RIMS1: variants seen among roughly 807,000 people sequenced by gnomAD.
RIMS1 encodes regulating synaptic membrane exocytosis protein 1.
RIMS1 carries 83 observed loss-of-function variants against 214.1 expected under a neutral mutation model. The ratio of observed to expected loss-of-function variants is 0.39; its 90% CI spans 0.32 to 0.47. The LOEUF (loss-of-function observed/expected upper bound fraction) is 0.47, where lower values mean the gene tolerates loss of function less well. Among genes scored for constraint, RIMS1 ranks in the 20% least tolerant of loss-of-function variants. The pLI is 0.99. For missense variants in RIMS1, 2,050 were observed against 2,161.8 expected (o/e 0.95, Z 1.03); for synonymous variants, 793 against 786.8 (o/e 1.01, Z -0.13).
At chr6:71,987,271 G>A (rs1181061953) in intron 2 of RIMS1, among the ~76,000 whole-genome samples, 1 of 152,182 alleles carries the variant, frequency 6.6e-6, no homozygotes, top group East Asian at 1.9e-4. Context: ...TTTAAAAGCA[G>A]ACATTTATTT....
At chr6:72,100,078 T>C (rs1035258920) in intron 4 of RIMS1, 92 bp downstream of exon 4, 15 of 1,010,334 alleles carry the variant, frequency 1.5e-5, no homozygotes, top group Admixed American at 2.1e-5. Context: ...TTAATAACTA[T>C]ATTTCACAAG....
rs1194348274 is a variant in RIMS1, at chr6:72,242,431, C to T, written c.2075C>T (p.Pro692Leu). Residue 692 changes from proline to leucine, a missense_variant, in exon 10 of 34, where the codon CCT becomes CTT. Physicochemically the swap from Pro to Leu is moderately conservative, Grantham distance 98 (BLOSUM62 -3). Coordinates refer to ENST00000521978, the MANE Select transcript of RIMS1 (RefSeq NM_014989.7). ...EPQVEIIVSR[P>L]IGDIPRIPES... is the part of the protein sequence containing the mutation. ...CAAGTTGAAATTATTGTTTCAAGGC[C>T]TATTGGGTAAGGCTAAAAAAACTTA... 1.3e-6 allele frequency: 2 copies of T among 1,552,460 alleles called. No individual in the cohort carries two copies. Among genetic ancestry groups the T allele is most frequent in the Non-Finnish European group, 1.7e-6 (2 of 1,147,776 alleles).
chr6:72,023,228 T>C (rs1283814567), intron 2 of RIMS1, among the ~76,000 whole-genome samples: 5 of 152,160 alleles, frequency 3.3e-5, no homozygotes, highest in Admixed American at 3.3e-4. Context: ...AAGAAAAATA[T>C]TGTTAAACGT....
At chr6:72,196,603 T>TTTTTTTTA (rs780611745) in intron 6 of RIMS1, among the ~76,000 whole-genome samples, 3 of 132,208 alleles carry the variant, frequency 2.3e-5, no homozygotes, top group African/African-American at 2.8e-5. Context: ...TTTTTTTTTT[T>TTTTTTTTA]ACCTATACAG....
chr6:72,010,398 C>A (rs1336829759), intron 2 of RIMS1, among the ~76,000 whole-genome samples: 6 of 152,180 alleles, frequency 3.9e-5, no homozygotes, highest in Non-Finnish European at 8.8e-5. Flanking sequence ...AAACTGGAAG[C>A]ATTCCCTTTG....
intron 29 of RIMS1, among the ~76,000 whole-genome samples, chr6:72,386,947 G>C (rs1355658752): frequency 6.6e-6 from 1 of 151,786 alleles, no homozygotes; most frequent in Non-Finnish European, 1.5e-5. Context: ...TGTTAGCCAG[G>C]ATGGTCTCGA....
chr6:72,290,074 A>G lies in RIMS1; in HGVS notation c.3555-605A>G, dbSNP rs891426061. 6.6e-5 allele frequency among the ~76,000 whole-genome samples: 10 copies of G among 152,312 alleles called. No homozygotes were observed. The East Asian group carries it at 1.9e-3, about 29-fold the overall frequency. ...GTTTTTATCCATATTTCAGCCATTT[A>G]TATTTAATCAGATGTATAATTAATG... On this transcript the variant is annotated intron_variant, in intron 24 of 33. Coordinates refer to ENST00000521978, the MANE Select transcript of RIMS1 (RefSeq NM_014989.7).
At chr6:72,007,717 G>A (rs1477625841) in intron 2 of RIMS1, among the ~76,000 whole-genome samples, 1 of 152,192 alleles carries the variant, frequency 6.6e-6, no homozygotes, top group African/African-American at 2.4e-5. Flanking sequence ...TGGAAGAAAA[G>A]GTATCGGTGA....
At chr6:72,168,944 C>G (rs2046656353) in intron 4 of RIMS1, among the ~76,000 whole-genome samples, 2 of 152,046 alleles carry the variant, frequency 1.3e-5, no homozygotes, top group African/African-American at 4.8e-5. Context: ...TATTGGGTTA[C>G]TCTGCAGATG....
At chr6:72,375,090 C>T (rs2098336168) in intron 29 of RIMS1, among the ~76,000 whole-genome samples, 1 of 152,230 alleles carries the variant, frequency 6.6e-6, no homozygotes, top group Non-Finnish European at 1.5e-5. Context: ...TACTCACCTC[C>T]TGCTGTGCAG....
At chr6:72,174,169 C>G (rs557662686) in intron 4 of RIMS1, among the ~76,000 whole-genome samples, 1 of 152,320 alleles carries the variant, frequency 6.6e-6, no homozygotes, top group East Asian at 1.9e-4. Flanking sequence ...GTTTCACTTA[C>G]CACCCTTTTA....
chr6:72,245,917 A>C, intron 11 of RIMS1, 56 bp downstream of exon 11: 1 of 1,250,934 alleles, frequency 8.0e-7, no homozygotes, highest in Non-Finnish European at 1.2e-6. Context: ...GAAAGTAAAG[A>C]TTTCTAATTT....
chr6:72,009,885 C>G (rs1466331664), intron 2 of RIMS1, among the ~76,000 whole-genome samples: 1 of 152,196 alleles, frequency 6.6e-6, no homozygotes, highest in Non-Finnish European at 1.5e-5. Context: ...CAGCCGAATT[C>G]TACCAGAGGT....
chr6:71,989,988 T>A (rs1335010367), intron 2 of RIMS1, among the ~76,000 whole-genome samples: 1 of 152,206 alleles, frequency 6.6e-6, no homozygotes, highest in Non-Finnish European at 1.5e-5. Context: ...TCTCCCAGAC[T>A]GTGTCTCCTC....
rs2098239662 is a variant in RIMS1 at position 72,372,153 on chromosome 6, A to C, written c.4367-18445A>C. On this transcript the variant is annotated intron_variant, in intron 29 of 33. Coordinates refer to ENST00000521978, the MANE Select transcript of RIMS1 (RefSeq NM_014989.7). ...TTTCTGGATCAGAATCAGACCTCAT[A>C]ATCTGTGTTGGACAGGCCATAAACA... is the stretch of plus-strand genomic sequence containing the variant. Among the ~76,000 whole-genome samples, 3 of 152,288 alleles carry C rather than the reference A, an allele frequency of 2.0e-5. No individual in the cohort carries two copies. In the South Asian group the frequency reaches 6.2e-4, roughly 32 times the overall value.
At chr6:72,102,227 A>C (rs1048482680) in intron 4 of RIMS1, among the ~76,000 whole-genome samples, 5 of 151,798 alleles carry the variant, frequency 3.3e-5, no homozygotes, top group Non-Finnish European at 5.9e-5. Flanking sequence ...TTTCATCACT[A>C]TTTTTTTAGT....
chr6:72,150,443 T>C (rs568841190), intron 4 of RIMS1, among the ~76,000 whole-genome samples: 1 of 152,306 alleles, frequency 6.6e-6, no homozygotes, highest in African/African-American at 2.4e-5. Context: ...TGTTTAGGAT[T>C]TGTCTGCCTC....
intron 29 of RIMS1, among the ~76,000 whole-genome samples, chr6:72,379,448 T>C (rs2098448332): frequency 6.6e-6 from 1 of 152,206 alleles, no homozygotes; most frequent in Non-Finnish European, 1.5e-5. Context: ...TGAGAATGAA[T>C]AGATATTGGG....
intron 28 of RIMS1, among the ~76,000 whole-genome samples, chr6:72,331,921 A>G (rs865980599): frequency 2.0e-5 from 3 of 151,862 alleles, no homozygotes; most frequent in South Asian, 2.1e-4. Flanking sequence ...CTCATCAAGT[A>G]GAGGTCTCAA....
Sources: gnomAD v4.1 joint callset for allele counts (sites outside exome capture counted in the v4.1 genomes callset) on GRCh38, gnomAD v4.1.1 for gene constraint, MANE v1.5 for transcripts, NCBI Gene and HGNC (gene_info 2026-07-23, HGNC 2026-07-21) for gene names.